Variants in SATB1 observed in about 807,000 individuals in gnomAD.
SATB1 encodes SATB homeobox 1.
In SATB1, 11 loss-of-function variants were observed where a neutral mutation model predicts 86.9. The observed-to-expected ratio is 0.13, with a 90% CI of 0.08 to 0.21. The LOEUF is 0.21. Ranked by LOEUF, SATB1 falls within the 10% of genes least tolerant of loss-of-function variation. The pLI is 1.00. For synonymous variants in SATB1, 357 were observed against 357.2 expected (o/e 1.00, Z 0.01); for missense variants, 551 against 937.6 (o/e 0.59, Z 5.39).
intron 9 of SATB1, among the ~76,000 whole-genome samples, chr3:18,357,113 A>T (rs951653547): frequency 1.3e-5 from 2 of 151,908 alleles, no homozygotes; most frequent in South Asian, 4.1e-4. Flanking sequence ...AGTTCTAAAA[A>T]GCAAAACATT....
In SATB1 at chr3:18,349,215, C is replaced by G; in HGVS notation, c.2247G>C (p.Leu749=). ...TLFSVKLEEE[L]SVEGNTDINT... Reference sequence around the variant, plus strand: ...TAATGTCTGTGTTTCCTTCCACTGACAGCTCTTCTTCTAGTTTCACTGAAA... The same window carrying G: ...TAATGTCTGTGTTTCCTTCCACTGAGAGCTCTTCTTCTAGTTTCACTGAAA... Residue 749 remains leucine, a synonymous_variant, in exon 11 of 11, where the codon CTG becomes CTC. Transcript: ENST00000338745. This position sits in a 1 kb window ranked among gnomAD's most constrained non-coding sequence, Gnocchi z 5.5. 1 of 1,614,190 alleles carries G rather than the reference C, an allele frequency of 6.2e-7. No homozygotes were observed. Among genetic ancestry groups the G allele is most frequent in the Non-Finnish European group, 8.5e-7 (1 of 1,180,034 alleles).
intron 2 of SATB1, chr3:18,417,629 G>T: frequency 2.9e-6 from 2 of 680,158 alleles, no homozygotes; most frequent in South Asian, 3.2e-5. Context: ...TCCTTTTTTA[G>T]ATATTAGCTC....
In SATB1 at chr3:18,386,539, G is replaced by T; in HGVS notation, c.1279C>A (p.Arg427=). ...TASQSLLVNL[R]AMQNFLQLPE... Reference sequence around the variant, plus strand: ...AACTGCAAGAAATTCTGCATAGCCCGAAGGTTTACCAGCAAAGACTGGGAT... The same window carrying T: ...AACTGCAAGAAATTCTGCATAGCCCTAAGGTTTACCAGCAAAGACTGGGAT... The change falls in exon 8 of 11, where the codon CGG becomes AGG. Residue 427 remains arginine, a synonymous_variant. Transcript: ENST00000338745. The surrounding 1 kb of genome is among the most constrained non-coding windows in gnomAD (Gnocchi z 4.5). 1 of 1,614,056 alleles carries T rather than the reference G, an allele frequency of 6.2e-7. No homozygotes were observed. Among genetic ancestry groups the T allele is most frequent in the Non-Finnish European group, 8.5e-7 (1 of 1,180,000 alleles).
chr3:18,412,961 T>G (rs1038839192), intron 5 of SATB1, among the ~76,000 whole-genome samples: 3 of 152,104 alleles, frequency 2.0e-5, no homozygotes, highest in African/African-American at 7.2e-5. Context: ...AATATTAATT[T>G]CAAATATTTG....
chr3:18,421,314 CA>C (rs1476598974), intron 1 of SATB1: 2 of 196,104 alleles, frequency 1.0e-5, no homozygotes, highest in Non-Finnish European at 2.1e-5. Context: ...AAGAAAACAG[CA>C]AATTGCATTT....
chr3:18,375,795 C>T (rs1695716147), intron 9 of SATB1, among the ~76,000 whole-genome samples: 1 of 152,042 alleles, frequency 6.6e-6, no homozygotes, highest in African/African-American at 2.4e-5. Context: ...CAGGGTAGTG[C>T]TAACATTAAA....
At chr3:18,403,565 G>T (rs1372079654) in intron 5 of SATB1, among the ~76,000 whole-genome samples, 3 of 152,016 alleles carry the variant, frequency 2.0e-5, no homozygotes, top group Admixed American at 6.6e-5. Context: ...TGCTTTAAAT[G>T]AAAGCACATC....
At chr3:18,371,167 T>TA (rs1484436178) in intron 9 of SATB1, among the ~76,000 whole-genome samples, 1 of 152,004 alleles carries the variant, frequency 6.6e-6, no homozygotes, top group Non-Finnish European at 1.5e-5. Flanking sequence ...AGGGAATTGT[T>TA]AAAAAAATAC....
chr3:18,425,700 G>A (rs547534318), upstream of SATB1, among the ~76,000 whole-genome samples: 3 of 151,992 alleles, frequency 2.0e-5, no homozygotes, highest in East Asian at 2.0e-4. Context: ...GCCGCCGCCA[G>A]ACGCGCCAGG....
At chr3:18,373,369 G>C (rs372429229) in intron 9 of SATB1, among the ~76,000 whole-genome samples, 1 of 152,112 alleles carries the variant, frequency 6.6e-6, no homozygotes, top group East Asian at 1.9e-4. Context: ...CCAAAAGAAT[G>C]AATCAGCACA....
chr3:18,434,607 T>G (rs1312078676), intron 2 of SATB1, among the ~76,000 whole-genome samples: 1 of 151,930 alleles, frequency 6.6e-6, no homozygotes, highest in African/African-American at 2.4e-5. Context: ...GGAGAAAAGA[T>G]AGAGAAACTA....
chr3:18,415,189 G>A lies in SATB1; in HGVS notation c.561C>T (p.Thr187=). The A allele has an allele frequency of 6.2e-7, 1 of 1,612,840 alleles. No individual in the cohort carries two copies. Among genetic ancestry groups the A allele is most frequent in the Non-Finnish European group, 8.5e-7 (1 of 1,179,220 alleles). The change falls in exon 5 of 11, where the codon ACC becomes ACT. Residue 187 remains threonine, a synonymous_variant. Transcript: ENST00000338745. ...EDLPPEQWSH[T]TVRNALKDLL... is the part of the protein sequence containing the mutation. The stretch of plus-strand genomic sequence containing the variant: ...AGTCCTTCAGAGCATTCCTCACTGT[G>A]GTGTGCGACCATTGTTCGGGAGGCA...
chr3:18,399,841 CTA>C (rs1697158669), intron 5 of SATB1, among the ~76,000 whole-genome samples: 1 of 152,042 alleles, frequency 6.6e-6, no homozygotes. Context: ...GGAGTCATGT[CTA>C]TTTTTATTGG....
Position 18,416,151 on chromosome 3 carries a change from A to C in SATB1, c.389-18T>G, listed in dbSNP as rs1228971822. ...GATTAGCCCTATTTCAGATAAAGAGAATATGTCACTAAATATTTTACCCTC... is the reference window on the plus strand; with the variant it reads ...GATTAGCCCTATTTCAGATAAAGAGCATATGTCACTAAATATTTTACCCTC... On this transcript the variant is annotated intron_variant, in intron 3 of 10. Transcript: ENST00000338745. 2 of 1,579,258 alleles carry C rather than the reference A, an allele frequency of 1.3e-6. No homozygotes were observed. Among genetic ancestry groups the C allele is most frequent in the Non-Finnish European group, 1.7e-6 (2 of 1,159,344 alleles).
intron 1 of SATB1, among the ~76,000 whole-genome samples, chr3:18,438,212 C>T (rs918815112): frequency 1.3e-5 from 2 of 152,168 alleles, no homozygotes; most frequent in Non-Finnish European, 2.9e-5. Flanking sequence ...TATCAGGAAC[C>T]AATGAATAAG....
At chr3:18,373,919 A>G (rs948618656) in intron 9 of SATB1, among the ~76,000 whole-genome samples, 2 of 152,222 alleles carry the variant, frequency 1.3e-5, no homozygotes, top group African/African-American at 4.8e-5. Context: ...CAGAGACTGC[A>G]AAAATATTAT....
chr3:18,380,589 T>TG (rs1696002425), intron 8 of SATB1, among the ~76,000 whole-genome samples: 1 of 152,104 alleles, frequency 6.6e-6, no homozygotes, highest in South Asian at 2.1e-4. Flanking sequence ...GGGTGAAACT[T>TG]TAACAATTAC....
intron 5 of SATB1, among the ~76,000 whole-genome samples, chr3:18,404,034 C>T (rs772783491): frequency 1.3e-5 from 2 of 151,972 alleles, no homozygotes; most frequent in Admixed American, 6.6e-5. Flanking sequence ...AGGGATTCCT[C>T]GTAAATGAGG....
At position 18,349,691 on chromosome 3, in the gene SATB1, A is replaced by G; in HGVS notation, c.1780-9T>C. 1 of 1,587,704 alleles carries G rather than the reference A, an allele frequency of 6.3e-7. No individual in the cohort carries two copies. Among genetic ancestry groups the G allele is most frequent in the Non-Finnish European group, 8.6e-7 (1 of 1,167,624 alleles). On this transcript the variant is annotated splice_polypyrimidine_tract_variant and intron_variant, in intron 10 of 10. Transcript: ENST00000338745. This position sits in a 1 kb window ranked among gnomAD's most constrained non-coding sequence, Gnocchi z 5.5. ...TGTTGCTGCTGCTGTTGCTGCAAAG[A>G]AACAAGGAGACAATCAGAGCTCTGC...
Sources: allele counts gnomAD v4.1 joint callset (sites outside exome capture counted in the v4.1 genomes callset), GRCh38; gene constraint gnomAD v4.1.1; non-coding constraint Gnocchi (gnomAD v3.1); transcripts MANE v1.5; gene names NCBI Gene and HGNC (gene_info 2026-07-23, HGNC 2026-07-21).